NNMT: variants seen among roughly 807,000 people sequenced by gnomAD.
NNMT encodes nicotinamide N-methyltransferase.
NNMT carries 10 observed loss-of-function variants against 11.7 expected under a neutral mutation model. That is an observed-to-expected ratio of 0.85 (90% CI 0.53 to 1.45). NNMT has a LOEUF of 1.45. Ranked by LOEUF, NNMT falls within the 40% of genes most tolerant of loss-of-function variation. NNMT has a pLI of 0.00. For missense variants in NNMT, 381 were observed against 319.4 expected, an observed-to-expected ratio of 1.19 and a Z score of -1.47; for synonymous variants, 143 against 133.8, an observed-to-expected ratio of 1.07 and a Z score of -0.48.
chr11:114,298,245 A>G, intron 2 of NNMT, 87 bp downstream of exon 2: 1 of 1,129,756 alleles, frequency 8.9e-7, no homozygotes, highest in East Asian at 2.4e-5. Context: ...GACCAAAGAG[A>G]AATCCAAATG....
chr11:114,262,211 T>G (rs1204325169), intron 1 of NNMT, among the ~76,000 whole-genome samples: 3 of 150,978 alleles, frequency 2.0e-5, no homozygotes, highest in African/African-American at 7.4e-5. Context: ...TATCTTCAGC[T>G]TTTAAGTTCA....
intron 2 of NNMT, among the ~76,000 whole-genome samples, chr11:114,286,861 G>A (rs559374061): frequency 2.0e-5 from 3 of 152,234 alleles, no homozygotes; most frequent in East Asian, 3.9e-4. Flanking sequence ...TTTCCATAAC[G>A]CTGCACCAAG....
intron 2 of NNMT, among the ~76,000 whole-genome samples, chr11:114,307,496 A>G (rs1370014006): frequency 1.3e-5 from 2 of 151,678 alleles, no homozygotes; most frequent in Admixed American, 1.3e-4. Flanking sequence ...CTGGCCTCCC[A>G]CTTCCACTCT....
chr11:114,297,991 C>T lies in NNMT; in HGVS notation c.195C>T (p.Gly65=), dbSNP rs1945398780. ...ACCTGCTGATTGACATCGGCTCTGG[C>T]CCCACTATCTATCAGCTCCTCTCTG... ...KGDLLIDIGS[G]PTIYQLLSAC... Residue 65 remains glycine (G), a synonymous_variant, in exon 2 of 3, where the codon GGC becomes GGT. Transcript: ENST00000299964. 6.2e-7 allele frequency: 1 copy of T among 1,613,508 alleles called. No individual in the cohort carries two copies. The highest frequency in any genetic ancestry group is 1.1e-5 in the South Asian group (1 of 91,054).
Position 114,296,509 on chromosome 11 carries a change from A to G in NNMT, c.-48A>G. 6.3e-7 allele frequency: 1 copy of G among 1,596,156 alleles called. No homozygotes were observed. ...TGCAGGGTCACTCCCTGGCTTCTGG[A>G]GGAAAGAGAAGGAGGGCAGTGCTCC... On this transcript the variant is annotated 5_prime_UTR_variant, in exon 1 of 3. Transcript: ENST00000299964.
chr11:114,273,278 G>A (rs768648115), intron 2 of NNMT, among the ~76,000 whole-genome samples: 41 of 152,302 alleles, frequency 2.7e-4, no homozygotes, highest in Non-Finnish European at 5.3e-4. Context: ...GGCGAGAGGC[G>A]CTTCTTGCTG....
intron 2 of NNMT, among the ~76,000 whole-genome samples, chr11:114,300,919 T>C (rs1286214923): frequency 6.6e-6 from 1 of 152,196 alleles, no homozygotes; most frequent in Non-Finnish European, 1.5e-5. Flanking sequence ...TGTGTCAGTA[T>C]TTTCACCTTT....
intron 2 of NNMT, among the ~76,000 whole-genome samples, chr11:114,310,146 G>T (rs951239274): frequency 1.3e-5 from 2 of 152,216 alleles, no homozygotes; most frequent in Non-Finnish European, 1.5e-5. Flanking sequence ...CCTGGGTCAT[G>T]TGGTAACTCT....
chr11:114,273,667 C>T (rs966258486), intron 2 of NNMT, among the ~76,000 whole-genome samples: 1 of 152,044 alleles, frequency 6.6e-6, no homozygotes, highest in African/African-American at 2.4e-5. Context: ...TGGTGAAACC[C>T]CGTCTCTACT....
Position 114,301,626 on chromosome 11 carries a change from A to T in NNMT, c.362+3468A>T, listed in dbSNP as rs548374168. Among the ~76,000 whole-genome samples, 86 of 152,182 alleles carry T rather than the reference A, an allele frequency of 5.7e-4. 1 individual carries two copies. In the South Asian group the frequency reaches 0.017, roughly 30 times the overall value. On this transcript the variant is annotated intron_variant, in intron 2 of 2. Coordinates refer to ENST00000299964, the MANE Select transcript of NNMT (RefSeq NM_006169.3). ...CTAGGGGTCGGGGAGGGAGAGATAA[A>T]TAGGTGGAGTATAGAGGATTTTTTA... is the stretch of plus-strand genomic sequence containing the variant.
At chr11:114,290,560 T>C (rs531688253) in intron 2 of NNMT, among the ~76,000 whole-genome samples, 1 of 152,316 alleles carries the variant, frequency 6.6e-6, no homozygotes, top group South Asian at 2.1e-4. Context: ...TGTGGAAAAC[T>C]AGGGCTCAGC....
intron 1 of NNMT, among the ~76,000 whole-genome samples, chr11:114,258,452 C>A (rs1825484861): frequency 6.6e-6 from 1 of 152,222 alleles, no homozygotes; most frequent in African/African-American, 2.4e-5. Flanking sequence ...GAAGCCAAGG[C>A]CAAGGCCGCC....
chr11:114,289,849 G>A (rs749271498), intron 2 of NNMT, among the ~76,000 whole-genome samples: 3 of 152,126 alleles, frequency 2.0e-5, no homozygotes, highest in South Asian at 2.1e-4. Flanking sequence ...TGCCATAAAC[G>A]AGGTGGCTTG....
intron 2 of NNMT, among the ~76,000 whole-genome samples, chr11:114,267,510 C>T (rs768023840): frequency 6.6e-6 from 1 of 151,818 alleles, no homozygotes; most frequent in Non-Finnish European, 1.5e-5. Context: ...TGCCAGCCAC[C>T]GTATTAGTTC....
intron 1 of NNMT, among the ~76,000 whole-genome samples, chr11:114,260,314 C>T (rs560386756): frequency 6.6e-6 from 1 of 152,350 alleles, no homozygotes; most frequent in Admixed American, 6.5e-5. Context: ...GTTCCCATAA[C>T]TTCTACCCCT....
At chr11:114,258,626 G>T (rs1015273272) in intron 1 of NNMT, among the ~76,000 whole-genome samples, 2 of 152,166 alleles carry the variant, frequency 1.3e-5, no homozygotes, top group Non-Finnish European at 2.9e-5. Flanking sequence ...TGCCCAGAGC[G>T]ATTTTCCAAA....
At chr11:114,258,700 G>A (rs369222594) in intron 1 of NNMT, among the ~76,000 whole-genome samples, 2 of 152,206 alleles carry the variant, frequency 1.3e-5, no homozygotes, top group African/African-American at 4.8e-5. Context: ...GTACTCTGAG[G>A]ATGGAATTCA....
chr11:114,260,863 C>A (rs1945074052), intron 1 of NNMT, among the ~76,000 whole-genome samples: 1 of 152,156 alleles, frequency 6.6e-6, no homozygotes, highest in Non-Finnish European at 1.5e-5. Flanking sequence ...GTCGAGGGGA[C>A]CTGGGTTTGA....
chr11:114,302,806 A>G (rs1194909065), intron 2 of NNMT, among the ~76,000 whole-genome samples: 1 of 152,140 alleles, frequency 6.6e-6, no homozygotes, highest in African/African-American at 2.4e-5. Context: ...GGGCTTTGAA[A>G]GGTCATTAGG....
Sources: gnomAD v4.1 joint callset for allele counts (sites outside exome capture counted in the v4.1 genomes callset) on GRCh38, gnomAD v4.1.1 for gene constraint, MANE v1.5 for transcripts, NCBI Gene and HGNC (gene_info 2026-07-23, HGNC 2026-07-21) for gene names.